The following CACNA2D4 variants were observed in gnomAD, a reference collection of about 807,000 sequenced individuals.
The protein encoded by CACNA2D4 is calcium voltage-gated channel auxiliary subunit alpha2delta 4, also known as voltage-dependent calcium channel subunit alpha-2/delta-4.
A neutral mutation model predicts 163.8 loss-of-function variants in CACNA2D4; 157 were observed. The ratio of observed to expected loss-of-function variants is 0.96; its 90% CI spans 0.84 to 1.09. The LOEUF is 1.09. Among genes scored for constraint, CACNA2D4 ranks in the 50% least tolerant of loss-of-function variants. The probability of loss-of-function intolerance (pLI) is 0.00; values close to 1 mark genes in which losing one functional copy is unlikely to be tolerated. For synonymous variants in CACNA2D4, 598 were observed against 586.9 expected (o/e 1.02, Z -0.27); for missense variants, 1,410 against 1,479.9 (o/e 0.95, Z 0.78).
rs1472490595 is a variant in CACNA2D4 at position 1,875,811 on chromosome 12, C to T, written c.1720-474G>A. ...GAGTTTGCCCGGTGTGCAGGTGCCT[C>T]AGCTCCCTCTGAATATGTTGTACTT... On this transcript the variant is annotated intron_variant, in intron 16 of 37. Transcript: ENST00000382722. The surrounding 1 kb of genome is among the most constrained non-coding windows in gnomAD (Gnocchi z 4.0). 6.6e-6 allele frequency among the ~76,000 whole-genome samples: 1 copy of T among 152,242 alleles called. No homozygotes were observed. Among genetic ancestry groups the T allele is most frequent in the Non-Finnish European group, 1.5e-5 (1 of 68,034 alleles).
intron 6 of CACNA2D4, among the ~76,000 whole-genome samples, chr12:1,896,106 A>C (rs971682674): frequency 1.3e-5 from 2 of 152,218 alleles, no homozygotes; most frequent in African/African-American, 2.4e-5. Context: ...TTAAAGACTT[A>C]AATGTAAGTC....
chr12:1,794,075 T>C (rs1863045509), intron 37 of CACNA2D4, among the ~76,000 whole-genome samples: 1 of 152,130 alleles, frequency 6.6e-6, no homozygotes, highest in South Asian at 2.1e-4. Flanking sequence ...CCAGACTGTA[T>C]GAAGCACCCG....
Position 1,843,288 on chromosome 12 carries a change from T to C in CACNA2D4, c.2470+1114A>G, listed in dbSNP as rs930232665. ...GGTCCCAGGAGGATCCCCGGGATCC[T>C]GGGCCTCCCCAGCCATCAGCTCCAG... On this transcript the variant is annotated intron_variant, in intron 25 of 37. Transcript: ENST00000382722. The surrounding 1 kb of genome is among the most constrained non-coding windows in gnomAD (Gnocchi z 4.6). Among the ~76,000 whole-genome samples, 4 of 152,104 alleles carry C rather than the reference T, an allele frequency of 2.6e-5. No individual in the cohort carries two copies. The highest frequency in any genetic ancestry group is 9.7e-5 in the African/African-American group (4 of 41,416).
In CACNA2D4 at chr12:1,885,970, G is replaced by T. The variant is rs369451253; in HGVS notation, c.1063C>A (p.Arg355=). 6.2e-7 allele frequency: 1 copy of T among 1,611,806 alleles called. No homozygotes were observed. Among genetic ancestry groups the T allele is most frequent in the South Asian group, 1.1e-5 (1 of 90,752 alleles). ...AGGCCACCGTGGACACTCACCTCTCGATTGTCTCGGTCCGCCTGGACGAGG... is the reference window on the plus strand; with the variant it reads ...AGGCCACCGTGGACACTCACCTCTCTATTGTCTCGGTCCGCCTGGACGAGG... ...GILVQADRDN[R]EHFKLLVEEL... Residue 355 remains arginine, a synonymous_variant, in exon 9 of 38, where the codon CGA becomes AGA. Transcript: ENST00000382722.
chr12:1,904,043 TA>T (rs1419634440), intron 6 of CACNA2D4, among the ~76,000 whole-genome samples: 7 of 152,010 alleles, frequency 4.6e-5, no homozygotes, highest in Admixed American at 3.3e-4. Flanking sequence ...TATTCAGCCA[TA>T]AAGAGAATCA....
rs564882849 is a variant in CACNA2D4 at position 1,837,351 on chromosome 12, C to G, written c.2551+3388G>C. ...CAGGGCTTACTCAGGCGACGGCAAACCATGCTCTGGGCCTGCAGGGTGAAG... is the reference window on the plus strand; with the variant it reads ...CAGGGCTTACTCAGGCGACGGCAAAGCATGCTCTGGGCCTGCAGGGTGAAG... On this transcript the variant is annotated intron_variant, in intron 26 of 37. Transcript: ENST00000382722. Among the ~76,000 whole-genome samples, 3 of 152,278 alleles carry G rather than the reference C, an allele frequency of 2.0e-5. No homozygotes were observed. In the East Asian group the frequency reaches 5.8e-4, roughly 29 times the overall value.
intron 30 of CACNA2D4, 49 bp from the exon 31 acceptor site, chr12:1,801,167 C>T: frequency 2.0e-6 from 3 of 1,508,448 alleles, no homozygotes; most frequent in Non-Finnish European, 2.8e-6. Flanking sequence ...CCCCCACCCC[C>T]TGCCCCTGCC....
chr12:1,876,339 A>G lies in CACNA2D4; in HGVS notation c.1720-1002T>C, dbSNP rs139616543. On this transcript the variant is annotated intron_variant, in intron 16 of 37. Transcript: ENST00000382722. ...CCTCCCTTCAACTTGACATACAGCC[A>G]TTAATCAACATGCTGAGTGTTATTA... is the stretch of plus-strand genomic sequence containing the variant. Among the ~76,000 whole-genome samples, 163 of 152,310 alleles carry G rather than the reference A, an allele frequency of 1.1e-3. 1 individual carries two copies. Among genetic ancestry groups the G allele is most frequent in the African/African-American group, 3.5e-3 (144 of 41,564 alleles).
chr12:1,888,962 A>G (rs1866216906), intron 6 of CACNA2D4, among the ~76,000 whole-genome samples: 1 of 152,238 alleles, frequency 6.6e-6, no homozygotes, highest in African/African-American at 2.4e-5. Context: ...CAAATAAATA[A>G]ATAAACAAAT....
chr12:1,819,836 T>A (rs1245476877), intron 26 of CACNA2D4, among the ~76,000 whole-genome samples: 1 of 152,194 alleles, frequency 6.6e-6, no homozygotes. Context: ...GTCTGCAGGC[T>A]GCTGCTGCAG....
At chr12:1,892,170 T>C (rs1426256019) in intron 6 of CACNA2D4, among the ~76,000 whole-genome samples, 3 of 152,198 alleles carry the variant, frequency 2.0e-5, no homozygotes, top group Non-Finnish European at 4.4e-5. Context: ...GGGAAAGTTG[T>C]CTAGTTGCTT....
Position 1,833,868 on chromosome 12 carries a change from G to C in CACNA2D4, c.2551+6871C>G, listed in dbSNP as rs1864736955. 1.3e-5 allele frequency among the ~76,000 whole-genome samples: 2 copies of C among 152,200 alleles called. No homozygotes were observed. The highest frequency in any genetic ancestry group is 4.8e-5 in the African/African-American group (2 of 41,448). On this transcript the variant is annotated intron_variant, in intron 26 of 37. Transcript: ENST00000382722. The surrounding 1 kb of genome is among the most constrained non-coding windows in gnomAD (Gnocchi z 4.2). ...GAGCAGGCAGATTCGGGGGCAGAGAGTGTGGCAGGGACGCTCAGCTCTCTA... is the reference window on the plus strand; with the variant it reads ...GAGCAGGCAGATTCGGGGGCAGAGACTGTGGCAGGGACGCTCAGCTCTCTA...
chr12:1,800,173 C>T (rs1457764644), intron 32 of CACNA2D4, 121 bp from the exon 33 acceptor site: 17 of 1,078,794 alleles, frequency 1.6e-5, no homozygotes, highest in Non-Finnish European at 2.1e-5. Context: ...ACCCTCTTCC[C>T]TGCTTGAGGG....
In CACNA2D4 at chr12:1,806,681, T is replaced by C. The variant is rs1359714549; in HGVS notation, c.2721+3597A>G. On this transcript the variant is annotated intron_variant, in intron 29 of 37. Coordinates refer to ENST00000382722, the MANE Select transcript of CACNA2D4 (RefSeq NM_172364.5). The surrounding 1 kb of genome is among the most constrained non-coding windows in gnomAD (Gnocchi z 4.1). Reference sequence around the variant, plus strand: ...AGCAGCCAGGAGGCCTGGGGAGGGTTCTCAACCCACCATGCACCCAGTCAC... The same window carrying C: ...AGCAGCCAGGAGGCCTGGGGAGGGTCCTCAACCCACCATGCACCCAGTCAC... Among the ~76,000 whole-genome samples the C allele has an allele frequency of 6.6e-6, 1 of 152,104 alleles. No individual in the cohort carries two copies. The highest frequency in any genetic ancestry group is 1.5e-5 in the Non-Finnish European group (1 of 68,010).
In CACNA2D4 at chr12:1,833,929, C is replaced by T. The variant is rs1864739614; in HGVS notation, c.2551+6810G>A. Among the ~76,000 whole-genome samples the T allele has an allele frequency of 6.6e-6, 1 of 152,190 alleles. No homozygotes were observed. The highest frequency in any genetic ancestry group is 1.5e-5 in the Non-Finnish European group (1 of 68,038). On this transcript the variant is annotated intron_variant, in intron 26 of 37. Transcript: ENST00000382722. This position sits in a 1 kb window ranked among gnomAD's most constrained non-coding sequence, Gnocchi z 4.2. ...TTTCCTGGGAACCTCCCCATGTTAG[C>T]ACTGCCTTACTCTGTGGGTCCGTTT... is the stretch of plus-strand genomic sequence containing the variant.
At position 1,802,821 on chromosome 12, in the gene CACNA2D4, C is replaced by A. The variant is rs1405178646; in HGVS notation, c.2722-1177G>T. 6.6e-6 allele frequency among the ~76,000 whole-genome samples: 1 copy of A among 152,186 alleles called. No homozygotes were observed. Among genetic ancestry groups the A allele is most frequent in the Non-Finnish European group, 1.5e-5 (1 of 68,038 alleles). The stretch of plus-strand genomic sequence containing the variant: ...AGTCTTTCTATTCTAACTTTCCCAG[C>A]CAGAACAAGGCCTTCCTCTGCACAC... On this transcript the variant is annotated intron_variant, in intron 29 of 37. Coordinates refer to ENST00000382722, the MANE Select transcript of CACNA2D4 (RefSeq NM_172364.5). This position sits in a 1 kb window ranked among gnomAD's most constrained non-coding sequence, Gnocchi z 4.7.
chr12:1,840,037 G>C (rs970840513), intron 26 of CACNA2D4, among the ~76,000 whole-genome samples: 2 of 152,154 alleles, frequency 1.3e-5, no homozygotes, highest in Non-Finnish European at 2.9e-5. Context: ...AAGAGCTTTC[G>C]CAAGCTTTAA....
At chr12:1,800,079 A>C (rs371792991) in intron 32 of CACNA2D4, 27 bp from the exon 33 acceptor site, 74 of 1,581,052 alleles carry the variant, frequency 4.7e-5, no homozygotes, top group Admixed American at 1.1e-4. Flanking sequence ...TGAATCTCGG[A>C]GACCTCTGAG....
chr12:1,894,550 T>C (rs1171192219), intron 6 of CACNA2D4, among the ~76,000 whole-genome samples: 1 of 152,094 alleles, frequency 6.6e-6, no homozygotes, highest in African/African-American at 2.4e-5. Context: ...CATGATCAAG[T>C]GGGATTTATA....
Sources: gnomAD v4.1 joint callset for allele counts (sites outside exome capture counted in the v4.1 genomes callset) on GRCh38, gnomAD v4.1.1 for gene constraint, Gnocchi (gnomAD v3.1) non-coding constraint, MANE v1.5 for transcripts, NCBI Gene and HGNC (gene_info 2026-07-23, HGNC 2026-07-21) for gene names.